Variants in LRP1B observed in about 807,000 individuals in gnomAD.
The protein encoded by LRP1B is low-density lipoprotein receptor-related protein 1B.
LRP1B carries 217 observed loss-of-function variants against 556.6 expected under a neutral mutation model. That is an observed-to-expected ratio of 0.39 (90% CI 0.35 to 0.44). LRP1B has a LOEUF of 0.44. Among genes scored for constraint, LRP1B ranks in the 20% least tolerant of loss-of-function variants. The pLI, the probability that LRP1B is intolerant of heterozygous loss-of-function variation, is 1.00. For missense variants in LRP1B, 5,053 were observed against 5,620.8 expected (o/e 0.90, Z 3.23); for synonymous variants, 2,047 against 1,865.8 (o/e 1.10, Z -2.50).
intron 2 of LRP1B, among the ~76,000 whole-genome samples, chr2:141,718,003 C>T (rs1165824379): frequency 1.3e-5 from 2 of 152,176 alleles, no homozygotes; most frequent in African/African-American, 2.4e-5. Context: ...CAGGGCTTTG[C>T]ATAGAGAATG....
chr2:140,736,908 C>T (rs932821140), intron 35 of LRP1B, among the ~76,000 whole-genome samples: 1 of 152,136 alleles, frequency 6.6e-6, no homozygotes, highest in Non-Finnish European at 1.5e-5. Flanking sequence ...AAGGCCGTAA[C>T]TACCATGACT....
chr2:140,244,965 C>T (rs1163018956), intron 87 of LRP1B, among the ~76,000 whole-genome samples: 1 of 151,298 alleles, frequency 6.6e-6, no homozygotes, highest in East Asian at 2.0e-4. Flanking sequence ...TGGGAAAGGT[C>T]AGTTTAACTA....
chr2:141,539,212 A>G (rs1685168105), intron 2 of LRP1B, among the ~76,000 whole-genome samples: 1 of 69,222 alleles, frequency 1.4e-5, no homozygotes, highest in Non-Finnish European at 4.5e-5. Flanking sequence ...AGTTATTATC[A>G]TAGATTTAAG....
At chr2:140,847,854 T>C (rs1692322420) in intron 29 of LRP1B, among the ~76,000 whole-genome samples, 2 of 152,114 alleles carry the variant, frequency 1.3e-5, no homozygotes, top group African/African-American at 4.8e-5. Context: ...AGTATATGTA[T>C]TAATTATTAG....
chr2:140,533,052 G>A (rs1392162192), intron 47 of LRP1B, among the ~76,000 whole-genome samples: 1 of 150,412 alleles, frequency 6.6e-6, no homozygotes, highest in Admixed American at 6.6e-5. Flanking sequence ...GAACCTTAAT[G>A]CATTGCACTC....
chr2:141,197,582 C>A (rs1681809588), intron 6 of LRP1B, among the ~76,000 whole-genome samples: 1 of 151,914 alleles, frequency 6.6e-6, no homozygotes, highest in East Asian at 1.9e-4. Context: ...GGAAGGTCAC[C>A]AGAACTATTT....
chr2:141,224,162 A>ACG (rs1326856391), intron 6 of LRP1B, among the ~76,000 whole-genome samples: 1 of 139,722 alleles, frequency 7.2e-6, no homozygotes, highest in Non-Finnish European at 1.6e-5. Context: ...ACACACACAC[A>ACG]CACAAACATT....
chr2:141,798,759 G>A (rs1300483973), intron 2 of LRP1B, among the ~76,000 whole-genome samples: 1 of 149,108 alleles, frequency 6.7e-6, no homozygotes, highest in African/African-American at 2.5e-5. Flanking sequence ...AAATTATCTT[G>A]TGTGTTATGG....
chr2:141,779,014 G>A (rs1473393510), intron 2 of LRP1B, among the ~76,000 whole-genome samples: 1 of 152,090 alleles, frequency 6.6e-6, no homozygotes, highest in Admixed American at 6.6e-5. Context: ...CAGGGCTGTG[G>A]TCTACTTAAC....
chr2:142,106,563 C>A (rs928518442), intron 1 of LRP1B, among the ~76,000 whole-genome samples: 11 of 152,100 alleles, frequency 7.2e-5, no homozygotes, highest in African/African-American at 2.2e-4. Context: ...ATTATAAATT[C>A]TATGTCATTA....
chr2:141,436,551 A>C (rs569566211), intron 3 of LRP1B, among the ~76,000 whole-genome samples: 31 of 152,336 alleles, frequency 2.0e-4, no homozygotes, highest in African/African-American at 7.5e-4. Flanking sequence ...TTTTAAAAAA[A>C]TTGTTTTCAC....
intron 2 of LRP1B, among the ~76,000 whole-genome samples, chr2:141,789,772 C>A (rs1332664634): frequency 6.6e-6 from 1 of 151,908 alleles, no homozygotes; most frequent in Non-Finnish European, 1.5e-5. Context: ...AAACCTGTGT[C>A]AATTTTGCAA....
At chr2:140,482,187 A>T (rs941036524) in intron 59 of LRP1B, among the ~76,000 whole-genome samples, 6 of 144,664 alleles carry the variant, frequency 4.1e-5, no homozygotes, top group African/African-American at 1.5e-4. Flanking sequence ...ACGAGGGACC[A>T]TGCCTTTTAT....
intron 20 of LRP1B, among the ~76,000 whole-genome samples, chr2:140,948,741 T>C (rs1380464019): frequency 6.6e-6 from 1 of 152,234 alleles, no homozygotes; most frequent in African/African-American, 2.4e-5. Flanking sequence ...AACTTGTGTT[T>C]CACTGCCTCA....
At chr2:140,649,209 T>C (rs563386240) in intron 41 of LRP1B, among the ~76,000 whole-genome samples, 1 of 152,150 alleles carries the variant, frequency 6.6e-6, no homozygotes, top group African/African-American at 2.4e-5. Context: ...CTGGTAGTGA[T>C]TTCCTACCTA....
At chr2:141,113,940 A>C (rs1700816561) in intron 7 of LRP1B, among the ~76,000 whole-genome samples, 1 of 152,258 alleles carries the variant, frequency 6.6e-6, no homozygotes, top group African/African-American at 2.4e-5. Flanking sequence ...ATTTTAAAGC[A>C]ACATTATCTA....
chr2:141,739,291 T>C (rs1287510300), intron 2 of LRP1B, among the ~76,000 whole-genome samples: 1 of 152,116 alleles, frequency 6.6e-6, no homozygotes, highest in Admixed American at 6.6e-5. Context: ...TCTACTTTGC[T>C]AAACATTTCA....
At chr2:141,621,879 T>G (rs1688516257) in intron 2 of LRP1B, among the ~76,000 whole-genome samples, 1 of 152,064 alleles carries the variant, frequency 6.6e-6, no homozygotes, top group South Asian at 2.1e-4. Context: ...TATCTCTCTT[T>G]TTTGTTTGTT....
intron 32 of LRP1B, among the ~76,000 whole-genome samples, chr2:140,777,543 G>T (rs903417298): frequency 6.6e-6 from 1 of 152,098 alleles, no homozygotes; most frequent in Admixed American, 6.6e-5. Context: ...AAAGGTAAAA[G>T]ACATCCATGA....
Sources: gnomAD v4.1 joint callset for allele counts (sites outside exome capture counted in the v4.1 genomes callset) on GRCh38, gnomAD v4.1.1 for gene constraint, MANE v1.5 for transcripts, NCBI Gene and HGNC (gene_info 2026-07-23, HGNC 2026-07-21) for gene names.